KIZ: variants seen among roughly 807,000 people sequenced by gnomAD.
KIZ encodes the protein kizuna centrosomal protein, also known as centrosomal protein kizuna.
Under a neutral mutation model 79.6 loss-of-function variants are expected in KIZ, and 68 were observed. That is an observed-to-expected ratio of 0.85 (90% CI 0.70 to 1.05). The LOEUF (loss-of-function observed/expected upper bound fraction) is 1.05. Among genes scored for constraint, KIZ ranks in the 50% least tolerant of loss-of-function variants. The probability of loss-of-function intolerance (pLI) is 0.00; values close to 1 mark genes in which losing one functional copy is unlikely to be tolerated. For synonymous variants in KIZ, 280 were observed against 281.8 expected (o/e 0.99, Z 0.06); for missense variants, 797 against 800.4 (o/e 1.00, Z 0.05).
intron 2 of KIZ, among the ~76,000 whole-genome samples, chr20:21,134,859 G>A (rs2032087481): frequency 6.6e-6 from 1 of 151,842 alleles, no homozygotes; most frequent in East Asian, 1.9e-4. Context: ...TAGAGGCGGT[G>A]TTTCACCATT....
In KIZ at chr20:21,161,866, T is replaced by TG. The variant is rs1222041996; in HGVS notation, c.406-4dup. 1 of 1,602,428 alleles carries TG rather than the reference T, an allele frequency of 6.2e-7. No homozygotes were observed. Among genetic ancestry groups the TG allele is most frequent in the Non-Finnish European group, 8.5e-7 (1 of 1,171,288 alleles). ...GTTTAACTCACATCTCTTTTGGTGTTGCAGGTTGCAGTGCACGAGGGGATT... is the reference window on the plus strand; with the variant it reads ...GTTTAACTCACATCTCTTTTGGTGTTGGCAGGTTGCAGTGCACGAGGGGATT... On this transcript the variant is annotated splice_region_variant and splice_polypyrimidine_tract_variant and intron_variant, in intron 4 of 12. Coordinates refer to ENST00000619189, the MANE Select transcript of KIZ (RefSeq NM_018474.6).
chr20:21,134,302 GT>G (rs1185714568), intron 2 of KIZ, among the ~76,000 whole-genome samples: 7 of 152,164 alleles, frequency 4.6e-5, no homozygotes, highest in Non-Finnish European at 1.0e-4. Context: ...ATGACGGGAT[GT>G]TTTGTAATGT....
intron 3 of KIZ, among the ~76,000 whole-genome samples, chr20:21,142,722 G>T (rs1216905642): frequency 6.6e-6 from 1 of 151,994 alleles, no homozygotes; most frequent in Non-Finnish European, 1.5e-5. Flanking sequence ...AGCCTGGGAG[G>T]TTGAAGGGCA....
At chr20:21,197,199 TACA>T (rs2123091532) in intron 6 of KIZ, 1 of 152,334 alleles carries the variant, frequency 6.6e-6, no homozygotes, top group African/African-American at 2.4e-5. Context: ...GCTACTGTGA[TACA>T]ACGACAGACC....
At chr20:21,156,553 A>G (rs908295343) in intron 4 of KIZ, among the ~76,000 whole-genome samples, 1 of 152,164 alleles carries the variant, frequency 6.6e-6, no homozygotes, top group Non-Finnish European at 1.5e-5. Context: ...TATGTATAGT[A>G]TATAATACTT....
chr20:21,150,798 A>C (rs116738205), intron 4 of KIZ: 2,805 of 152,154 alleles, frequency 0.018, 82 homozygotes, highest in African/African-American at 0.061. Context: ...TGCCTGCCAC[A>C]CCACCCCACA....
chr20:21,149,893 C>T (rs1423998020), intron 4 of KIZ, among the ~76,000 whole-genome samples: 1 of 152,200 alleles, frequency 6.6e-6, no homozygotes, highest in Non-Finnish European at 1.5e-5. Context: ...AGGACCCTAA[C>T]ACAAGGATTT....
intron 4 of KIZ, among the ~76,000 whole-genome samples, chr20:21,146,951 T>G (rs1020866827): frequency 6.6e-6 from 1 of 152,192 alleles, no homozygotes; most frequent in African/African-American, 2.4e-5. Flanking sequence ...TGCCATTCGA[T>G]GTAGGCCAAA....
chr20:21,130,877 T>C (rs2031798137), intron 1 of KIZ, among the ~76,000 whole-genome samples: 1 of 152,248 alleles, frequency 6.6e-6, no homozygotes, highest in South Asian at 2.1e-4. Flanking sequence ...TAGAAACTGA[T>C]AATTAAGAGC....
chr20:21,188,102 C>T (rs189943615), intron 6 of KIZ, among the ~76,000 whole-genome samples: 319 of 152,332 alleles, frequency 2.1e-3, no homozygotes, highest in Middle Eastern at 3.4e-3. Flanking sequence ...AACCCATTTT[C>T]CCCAAAGCCA....
intron 11 of KIZ, among the ~76,000 whole-genome samples, chr20:21,241,969 A>T (rs1600633652): frequency 6.6e-6 from 1 of 152,314 alleles, no homozygotes; most frequent in East Asian, 1.9e-4. Context: ...ATGTAAATCA[A>T]GTATTATATA....
At chr20:21,229,223 C>T in intron 10 of KIZ, 108 bp downstream of exon 10, 4 of 656,928 alleles carry the variant, frequency 6.1e-6, no homozygotes, top group East Asian at 2.7e-5. Context: ...TGCTCTGTAA[C>T]GAGCTGTCAC....
chr20:21,231,243 G>A (rs1047057233), intron 10 of KIZ, among the ~76,000 whole-genome samples: 1 of 152,118 alleles, frequency 6.6e-6, no homozygotes, highest in Non-Finnish European at 1.5e-5. Flanking sequence ...AGAATGGCTT[G>A]AACCCAGGAG....
rs149700239 is a variant in KIZ at position 21,239,260 on chromosome 20, T to C, written c.1881-4985T>C. On this transcript the variant is annotated intron_variant, in intron 11 of 12. Coordinates refer to ENST00000619189, the MANE Select transcript of KIZ (RefSeq NM_018474.6). The stretch of plus-strand genomic sequence containing the variant: ...GCCCCAGAGCTGATTCTGTCTCAGC[T>C]TCTGAAAGCAGCTCACATAGCCAGG... Among the ~76,000 whole-genome samples, 465 of 152,344 alleles carry C rather than the reference T, an allele frequency of 3.1e-3. 5 individuals carry two copies. The highest frequency in any genetic ancestry group is 0.011 in the African/African-American group (453 of 41,582).
intron 6 of KIZ, among the ~76,000 whole-genome samples, chr20:21,201,905 CA>C (rs2035615378): frequency 1.3e-5 from 2 of 152,214 alleles, no homozygotes; most frequent in African/African-American, 2.4e-5. Context: ...TGATCTATCC[CA>C]AAAGAAATCT....
At chr20:21,140,168 C>G (rs1024964109) in intron 3 of KIZ, among the ~76,000 whole-genome samples, 3 of 152,138 alleles carry the variant, frequency 2.0e-5, no homozygotes, top group Non-Finnish European at 4.4e-5. Flanking sequence ...CAGAGGTGGC[C>G]CAGGTATGCC....
At chr20:21,166,279 G>A in intron 6 of KIZ, 1 of 1,600,872 alleles carries the variant, frequency 6.2e-7, no homozygotes, top group Non-Finnish European at 8.5e-7. Flanking sequence ...GATGCCAGCT[G>A]AGGTTGTCAG....
chr20:21,166,957 C>G lies in KIZ; in HGVS notation c.1352+3798C>G, dbSNP rs563967961. Among the ~76,000 whole-genome samples the G allele has an allele frequency of 2.6e-5, 4 of 152,334 alleles. 1 individual carries two copies. In the East Asian group the frequency reaches 7.7e-4, roughly 29 times the overall value. Reference sequence around the variant, plus strand: ...GTTTCCTGAAGAAGCAAACTGTCATCTTGTGGGAAAGACCACATGACAGGA... The same window carrying G: ...GTTTCCTGAAGAAGCAAACTGTCATGTTGTGGGAAAGACCACATGACAGGA... On this transcript the variant is annotated intron_variant, in intron 6 of 12. Coordinates refer to ENST00000619189, the MANE Select transcript of KIZ (RefSeq NM_018474.6).
chr20:21,209,952 C>A (rs2035999360), intron 7 of KIZ, among the ~76,000 whole-genome samples: 1 of 152,112 alleles, frequency 6.6e-6, no homozygotes, highest in South Asian at 2.1e-4. Context: ...CATTAAAAAT[C>A]TTGAAATAGT....
Sources: gnomAD v4.1 joint callset for allele counts (sites outside exome capture counted in the v4.1 genomes callset) on GRCh38, gnomAD v4.1.1 for gene constraint, MANE v1.5 for transcripts, NCBI Gene and HGNC (gene_info 2026-07-23, HGNC 2026-07-21) for gene names.